The following CSMD1 variants were observed in gnomAD, a reference collection of about 807,000 sequenced individuals.
The protein encoded by CSMD1 is CUB and sushi domain-containing protein 1.
Under a neutral mutation model 417.5 loss-of-function variants are expected in CSMD1, and 213 were observed. The ratio of observed to expected loss-of-function variants is 0.51; its 90% CI spans 0.46 to 0.57. CSMD1 has a LOEUF of 0.57. Ranked by LOEUF, CSMD1 falls within the 20% of genes least tolerant of loss-of-function variation. The pLI is 0.00. For synonymous variants in CSMD1, 2,862 were observed against 1,736.8 expected (o/e 1.65, Z -16.11); for missense variants, 6,923 against 4,529.7 (o/e 1.53, Z -15.17).
chr8:4,307,982 G>C (rs1029840855), intron 3 of CSMD1, among the ~76,000 whole-genome samples: 2 of 152,104 alleles, frequency 1.3e-5, no homozygotes, highest in Non-Finnish European at 2.9e-5. Flanking sequence ...AATTACAGAG[G>C]CTCAAGGAGG....
chr8:4,936,895 C>G (rs1250855559), intron 1 of CSMD1, among the ~76,000 whole-genome samples: 1 of 152,170 alleles, frequency 6.6e-6, no homozygotes, highest in Non-Finnish European at 1.5e-5. Flanking sequence ...ATTATTTTCT[C>G]TTGTGTTTTA....
chr8:3,418,833 A>G (rs35300969), intron 12 of CSMD1, among the ~76,000 whole-genome samples: 2,854 of 152,324 alleles, frequency 0.019, 54 homozygotes, highest in East Asian at 0.096. Context: ...TAAAGGATAG[A>G]ATTTTTCCTT....
At chr8:3,578,876 T>C (rs983050935) in intron 9 of CSMD1, among the ~76,000 whole-genome samples, 1 of 152,212 alleles carries the variant, frequency 6.6e-6, no homozygotes, top group Non-Finnish European at 1.5e-5. Flanking sequence ...AGTATACCAG[T>C]GCCAAGCCAG....
intron 3 of CSMD1, among the ~76,000 whole-genome samples, chr8:4,217,280 A>G (rs1383508150): frequency 6.6e-6 from 1 of 152,238 alleles, no homozygotes. Context: ...AGTCTTTCAT[A>G]TAAGCCAAGT....
intron 1 of CSMD1, among the ~76,000 whole-genome samples, chr8:4,915,531 G>C (rs951897222): frequency 5.3e-5 from 8 of 152,124 alleles, no homozygotes; most frequent in Admixed American, 3.9e-4. Context: ...CCTGGCAGGA[G>C]CACGGCTCTG....
intron 41 of CSMD1, among the ~76,000 whole-genome samples, chr8:3,125,622 G>A (rs1454251626): frequency 6.6e-6 from 1 of 152,178 alleles, no homozygotes; most frequent in Non-Finnish European, 1.5e-5. Flanking sequence ...AATTCCTAAA[G>A]ACTTCTGAAG....
intron 38 of CSMD1, 31 bp downstream of exon 38, chr8:3,162,128 T>C (rs377024474): frequency 1.7e-5 from 23 of 1,360,262 alleles, no homozygotes; most frequent in Non-Finnish European, 2.1e-5. Context: ...ACCATGTGTA[T>C]GTTATTCCTG....
At chr8:3,308,120 T>C (rs1431469039) in intron 24 of CSMD1, among the ~76,000 whole-genome samples, 192 bp downstream of exon 24, 1 of 152,006 alleles carries the variant, frequency 6.6e-6, no homozygotes, top group Non-Finnish European at 1.5e-5. Context: ...CATAACAGAA[T>C]ACTAGAAAAA....
At chr8:4,313,546 G>A (rs1798749775) in intron 3 of CSMD1, among the ~76,000 whole-genome samples, 1 of 150,828 alleles carries the variant, frequency 6.6e-6, no homozygotes, top group Non-Finnish European at 1.5e-5. Context: ...CACATCAGGA[G>A]GAAATACGTG....
intron 3 of CSMD1, among the ~76,000 whole-genome samples, chr8:4,063,258 T>C (rs886556796): frequency 6.7e-6 from 1 of 148,308 alleles, no homozygotes; most frequent in Non-Finnish European, 1.5e-5. Flanking sequence ...CATAAATATG[T>C]ACAGTTATTA....
intron 1 of CSMD1, among the ~76,000 whole-genome samples, chr8:4,640,618 T>C (rs1274790983): frequency 6.6e-6 from 1 of 152,216 alleles, no homozygotes; most frequent in Non-Finnish European, 1.5e-5. Flanking sequence ...TTAATGTAAA[T>C]GATGTCCTTA....
intron 3 of CSMD1, among the ~76,000 whole-genome samples, chr8:4,162,755 C>T (rs1034874862): frequency 1.3e-5 from 2 of 152,136 alleles, no homozygotes; most frequent in African/African-American, 4.8e-5. Flanking sequence ...AAGTCATTAT[C>T]ATCCAAACCC....
At chr8:3,317,781 G>A (rs1390904848) in intron 23 of CSMD1, among the ~76,000 whole-genome samples, 4 of 152,170 alleles carry the variant, frequency 2.6e-5, no homozygotes, top group Admixed American at 1.3e-4. Context: ...AAAATTTCAT[G>A]TAAAATAAAG....
At chr8:3,372,083 G>A (rs998093322) in intron 18 of CSMD1, among the ~76,000 whole-genome samples, 1 of 152,114 alleles carries the variant, frequency 6.6e-6, no homozygotes, top group African/African-American at 2.4e-5. Context: ...ATACAATATT[G>A]GCAGATGACA....
intron 49 of CSMD1, among the ~76,000 whole-genome samples, chr8:3,080,190 G>A (rs1259535938): frequency 6.6e-6 from 1 of 152,152 alleles, no homozygotes; most frequent in Non-Finnish European, 1.5e-5. Flanking sequence ...TTTGACCAGG[G>A]AACTTGAAAG....
At chr8:3,881,592 G>C (rs57649208) in intron 5 of CSMD1, among the ~76,000 whole-genome samples, 2 of 134,026 alleles carry the variant, frequency 1.5e-5, no homozygotes, top group Non-Finnish European at 3.1e-5. Flanking sequence ...CTGGGTGACA[G>C]AGCAAGACTC....
intron 49 of CSMD1, among the ~76,000 whole-genome samples, chr8:3,069,945 G>T (rs181178433): frequency 1.3e-5 from 2 of 152,306 alleles, no homozygotes; most frequent in East Asian, 3.9e-4. Flanking sequence ...TGCATTCTGC[G>T]CACCTACAGG....
chr8:4,730,430 G>T (rs1809767811), intron 1 of CSMD1, among the ~76,000 whole-genome samples: 2 of 152,052 alleles, frequency 1.3e-5, no homozygotes, highest in South Asian at 4.1e-4. Flanking sequence ...GTCATTCAAA[G>T]AATAATCAGA....
chr8:4,699,259 A>T (rs935500381), intron 1 of CSMD1, among the ~76,000 whole-genome samples: 1 of 152,160 alleles, frequency 6.6e-6, no homozygotes, highest in Admixed American at 6.5e-5. Context: ...GTTTATTCGC[A>T]ATTACACTCC....
Sources: gnomAD v4.1 joint callset for allele counts (sites outside exome capture counted in the v4.1 genomes callset) on GRCh38, gnomAD v4.1.1 for gene constraint, MANE v1.5 for transcripts, NCBI Gene and HGNC (gene_info 2026-07-23, HGNC 2026-07-21) for gene names.